HNF4A: variants seen among roughly 807,000 people sequenced by gnomAD.
HNF4A encodes the protein hepatocyte nuclear factor 4-alpha.
HNF4A carries 15 observed loss-of-function variants against 52.4 expected under a neutral mutation model. That is an observed-to-expected ratio of 0.29 (90% CI 0.19 to 0.44). The LOEUF (loss-of-function observed/expected upper bound fraction) is 0.44. HNF4A is among the 20% of genes least tolerant of loss of function. The pLI is 1.00. For synonymous variants in HNF4A, 280 were observed against 264.4 expected, an observed-to-expected ratio of 1.06 and a Z score of -0.57; for missense variants, 479 against 647.2, an observed-to-expected ratio of 0.74 and a Z score of 2.82.
chr20:44,375,635 G>C (rs184199937), intron 1 of HNF4A, among the ~76,000 whole-genome samples: 144 of 152,278 alleles, frequency 9.5e-4, no homozygotes, highest in Non-Finnish European at 1.7e-3. Flanking sequence ...ATGGTGGACT[G>C]TGGGTGTTGG....
chr20:44,356,645 G>A (rs1176145314), intron 1 of HNF4A, among the ~76,000 whole-genome samples: 2 of 152,148 alleles, frequency 1.3e-5, no homozygotes, highest in Admixed American at 6.5e-5. Context: ...TGCTGATAGC[G>A]AAACGGATAT....
intron 3 of HNF4A, among the ~76,000 whole-genome samples, chr20:44,409,196 G>A (rs1005110006): frequency 6.6e-6 from 1 of 152,118 alleles, no homozygotes; most frequent in Non-Finnish European, 1.5e-5. Context: ...GATATCAGTG[G>A]TTCTCCAAGG....
chr20:44,375,797 A>G (rs2063078708), intron 1 of HNF4A, among the ~76,000 whole-genome samples: 1 of 152,242 alleles, frequency 6.6e-6, no homozygotes, highest in Admixed American at 6.5e-5. Flanking sequence ...TTAACACATG[A>G]CAATACCTTG....
rs149459610 is a variant in HNF4A at position 44,361,277 on chromosome 20, C to G, written c.49+5424C>G. Among the ~76,000 whole-genome samples the G allele has an allele frequency of 1.2e-3, 180 of 152,252 alleles. 1 individual carries two copies. Among genetic ancestry groups the G allele is most frequent in the African/African-American group, 4.2e-3 (174 of 41,538 alleles). On this transcript the variant is annotated intron_variant, in intron 1 of 9. Coordinates refer to the HNF4A transcript ENST00000316673. Reference sequence around the variant, plus strand: ...CCAAGAGTCTGTAATTTTTTGAGCTCCTTGTGTGACTTAGGGTATGCAGTT... The same window carrying G: ...CCAAGAGTCTGTAATTTTTTGAGCTGCTTGTGTGACTTAGGGTATGCAGTT...
Position 44,377,205 on chromosome 20 carries a change from T to C in HNF4A, c.49+21352T>C, listed in dbSNP as rs542834123. Among the ~76,000 whole-genome samples the C allele has an allele frequency of 9.2e-5, 14 of 152,222 alleles. No individual in the cohort carries two copies. The South Asian group carries it at 2.9e-3, about 32-fold the overall frequency. Reference sequence around the variant, plus strand: ...CAGAAACAGAAATTCAAATAACATATGTTCTCACCTATACGTGGGGGCTAA... The same window carrying C: ...CAGAAACAGAAATTCAAATAACATACGTTCTCACCTATACGTGGGGGCTAA... On this transcript the variant is annotated intron_variant, in intron 1 of 9. Coordinates refer to the HNF4A transcript ENST00000316673.
chr20:44,372,379 T>C (rs2146209932), intron 1 of HNF4A, among the ~76,000 whole-genome samples: 1 of 152,236 alleles, frequency 6.6e-6, no homozygotes, highest in South Asian at 2.1e-4. Flanking sequence ...GCTGGTGTCT[T>C]CTCCCCACCC....
At chr20:44,429,437 AG>A in intron 9 of HNF4A, 85 bp from the exon 10 acceptor site, 1 of 1,429,906 alleles carries the variant, frequency 7.0e-7, no homozygotes, top group South Asian at 1.2e-5. Flanking sequence ...GCAGGGTGGG[AG>A]GGGAGAACTT....
intron 8 of HNF4A, chr20:44,424,712 TG>T (rs1203195998): frequency 1.3e-6 from 1 of 748,988 alleles, no homozygotes; most frequent in Non-Finnish European, 1.9e-6. Flanking sequence ...TGGTGACTCT[TG>T]TGCTAAGACC....
In HNF4A at chr20:44,419,737, C is replaced by T; in HGVS notation, c.753C>T (p.Val251=). The T allele has an allele frequency of 1.9e-6, 3 of 1,589,748 alleles. No individual in the cohort carries two copies. The highest frequency in any genetic ancestry group is 2.6e-6 in the Non-Finnish European group (3 of 1,164,754). ...CCCTTCCAGGCAATGACTACATTGT[C>T]CCTCGGCACTGCCCGGAGCTGGCGG... Residue 251 remains valine, a synonymous_variant, in exon 7 of 10, where the codon GTC becomes GTT. Coordinates refer to ENST00000316099, the MANE Select transcript of HNF4A (RefSeq NM_000457.6).
intron 3 of HNF4A, among the ~76,000 whole-genome samples, chr20:44,408,829 T>C (rs199675046): frequency 1.3e-5 from 2 of 152,164 alleles, no homozygotes; most frequent in East Asian, 3.9e-4. Context: ...CCTTCCCTTC[T>C]AGCCCACAGT....
chr20:44,395,023 C>T (rs890502837), intron 1 of HNF4A, among the ~76,000 whole-genome samples: 42 of 152,356 alleles, frequency 2.8e-4, no homozygotes, highest in African/African-American at 8.9e-4. Flanking sequence ...ATCTTCCTCT[C>T]GGAAATACTC....
intron 3 of HNF4A, among the ~76,000 whole-genome samples, chr20:44,408,891 C>T (rs1382674188): frequency 6.6e-6 from 1 of 152,066 alleles, no homozygotes; most frequent in African/African-American, 2.4e-5. Context: ...GGTACAAACA[C>T]CCCTCACCCC....
chr20:44,401,643 C>A (rs2063411097), intron 1 of HNF4A: 1 of 478,692 alleles, frequency 2.1e-6, no homozygotes, highest in Non-Finnish European at 2.7e-6. Context: ...AAGTGAAGCC[C>A]ATGTGCCCAG....
chr20:44,366,019 A>T (rs1334069244), intron 1 of HNF4A, among the ~76,000 whole-genome samples: 1 of 152,228 alleles, frequency 6.6e-6, no homozygotes, highest in Non-Finnish European at 1.5e-5. Flanking sequence ...TGGGAGGTCA[A>T]GGCAGAAAAA....
chr20:44,361,914 T>C (rs1219629937), intron 1 of HNF4A, among the ~76,000 whole-genome samples: 1 of 151,992 alleles, frequency 6.6e-6, no homozygotes, highest in African/African-American at 2.4e-5. Context: ...AGCTGGAACC[T>C]CGGTTTAGCA....
rs1600701327 is a variant in HNF4A at position 44,403,864 on chromosome 20, A to G, written c.116-2194A>G. Among the ~76,000 whole-genome samples, 6 of 152,320 alleles carry G rather than the reference A, an allele frequency of 3.9e-5. 1 individual carries two copies. In the South Asian group the frequency reaches 1.2e-3, roughly 32 times the overall value. On this transcript the variant is annotated intron_variant, in intron 1 of 9. Coordinates refer to ENST00000316099, the MANE Select transcript of HNF4A (RefSeq NM_000457.6). ...GGAGATGATAGAGCTGACAGCCCCC[A>G]GCCCATCCTGCCTCAGAGGTGGGAG...
intron 1 of HNF4A, among the ~76,000 whole-genome samples, chr20:44,388,245 C>T (rs1436688235): frequency 6.6e-6 from 1 of 151,808 alleles, no homozygotes; most frequent in Non-Finnish European, 1.5e-5. Context: ...CACCATCACG[C>T]CCTGCCTATC....
chr20:44,385,082 T>TTTTTTTTTTTTTTTTTTTTTTTTTC (rs2063206371), intron 1 of HNF4A, among the ~76,000 whole-genome samples: 1 of 116,788 alleles, frequency 8.6e-6, no homozygotes, highest in Non-Finnish European at 1.9e-5. Flanking sequence ...TTTTTTTTTT[T>TTTTTTTTTTTTTTTTTTTTTTTTTC]TTTTTGCCTA....
chr20:44,404,918 T>C (rs1568720487), intron 1 of HNF4A, among the ~76,000 whole-genome samples: 2 of 53,526 alleles, frequency 3.7e-5, no homozygotes. Flanking sequence ...GGTGTGTGTG[T>C]GCTTGTGTGT....
Sources: gnomAD v4.1 joint callset for allele counts (sites outside exome capture counted in the v4.1 genomes callset) on GRCh38, gnomAD v4.1.1 for gene constraint, MANE v1.5 for transcripts, NCBI Gene and HGNC (gene_info 2026-07-23, HGNC 2026-07-21) for gene names.